Variants in ROBO2 observed in about 807,000 individuals in gnomAD.
ROBO2 encodes the protein roundabout guidance receptor 2.
In ROBO2, 53 loss-of-function variants were observed where a neutral mutation model predicts 160.8. The ratio of observed to expected loss-of-function variants is 0.33; its 90% CI spans 0.26 to 0.41. The LOEUF (loss-of-function observed/expected upper bound fraction) is 0.41. Among genes scored for constraint, ROBO2 ranks in the 10% least tolerant of loss-of-function variants. The probability of loss-of-function intolerance (pLI) is 1.00; values close to 1 mark genes in which losing one functional copy is unlikely to be tolerated. For synonymous variants in ROBO2, 664 were observed against 611.7 expected, an observed-to-expected ratio of 1.09 and a Z score of -1.26; for missense variants, 1,577 against 1,722.4, an observed-to-expected ratio of 0.92 and a Z score of 1.49.
intron 2 of ROBO2, among the ~76,000 whole-genome samples, chr3:77,411,829 T>G (rs62249795): frequency 0.077 from 11,692 of 152,224 alleles, 532 homozygotes; most frequent in African/African-American, 0.099. Context: ...GCATTTTTCT[T>G]TAACCACTTT....
intron 2 of ROBO2, among the ~76,000 whole-genome samples, chr3:76,696,121 C>A (rs943513194): frequency 1.3e-5 from 2 of 152,038 alleles, no homozygotes; most frequent in African/African-American, 4.8e-5. Context: ...CAATTCCTGC[C>A]GCACAACTCA....
chr3:77,256,979 T>C (rs886688766), intron 2 of ROBO2, among the ~76,000 whole-genome samples: 2 of 152,186 alleles, frequency 1.3e-5, no homozygotes, highest in Non-Finnish European at 2.9e-5. Context: ...GGTGGACACC[T>C]GGCAGTACAC....
intron 2 of ROBO2, among the ~76,000 whole-genome samples, chr3:77,438,020 T>C (rs780284084): frequency 1.3e-5 from 2 of 151,980 alleles, no homozygotes; most frequent in African/African-American, 2.4e-5. Context: ...TAATACCATA[T>C]ACATGATTAA....
chr3:76,831,699 A>C (rs2109325620), intron 2 of ROBO2, among the ~76,000 whole-genome samples: 1 of 152,304 alleles, frequency 6.6e-6, no homozygotes, highest in Non-Finnish European at 1.5e-5. Context: ...AAAATAGCAA[A>C]ACTAAGACAA....
At chr3:76,940,789 A>G (rs9880028) in intron 2 of ROBO2, among the ~76,000 whole-genome samples, 5,156 of 152,306 alleles carry the variant, frequency 0.034, 271 homozygotes, top group African/African-American at 0.12. Context: ...CCATTGTATC[A>G]CATAAGTATG....
At chr3:76,876,314 C>A (rs1029125780) in intron 2 of ROBO2, among the ~76,000 whole-genome samples, 3 of 152,110 alleles carry the variant, frequency 2.0e-5, no homozygotes, top group African/African-American at 7.2e-5. Context: ...GGTCAGTTAC[C>A]AAGTGAATCT....
chr3:77,258,824 G>A (rs556707205), intron 2 of ROBO2, among the ~76,000 whole-genome samples: 1 of 152,258 alleles, frequency 6.6e-6, no homozygotes, highest in East Asian at 1.9e-4. Flanking sequence ...ATTTATCTAT[G>A]TACAAGAAGG....
intron 23 of ROBO2, chr3:77,633,498 G>T (rs2095209884): frequency 6.6e-6 from 1 of 152,016 alleles, no homozygotes; most frequent in Admixed American, 6.6e-5. Context: ...TCTAATATAT[G>T]AATTAAACTG....
intron 2 of ROBO2, among the ~76,000 whole-genome samples, chr3:77,261,362 C>T (rs1372424): frequency 6.6e-6 from 1 of 151,956 alleles, no homozygotes; most frequent in Non-Finnish European, 1.5e-5. Context: ...TCCAAAGACA[C>T]TTTAAATAAG....
At chr3:75,913,090 T>C (rs1333771425) in intron 1 of ROBO2, among the ~76,000 whole-genome samples, 1 of 152,172 alleles carries the variant, frequency 6.6e-6, no homozygotes, top group Non-Finnish European at 1.5e-5. Flanking sequence ...GGAGAATCCA[T>C]TCTCTTGCCT....
chr3:75,951,827 T>C (rs1374072991), intron 2 of ROBO2, among the ~76,000 whole-genome samples: 1 of 152,042 alleles, frequency 6.6e-6, no homozygotes, highest in African/African-American at 2.4e-5. Context: ...AAATCTTTTT[T>C]TGAACAAATT....
intron 2 of ROBO2, among the ~76,000 whole-genome samples, chr3:76,826,865 G>C: frequency 6.6e-6 from 1 of 152,162 alleles, no homozygotes; most frequent in East Asian, 1.9e-4. Context: ...TAAGAGCAAA[G>C]TAGAGAAACA....
At chr3:77,395,895 T>C (rs2075233649) in intron 2 of ROBO2, among the ~76,000 whole-genome samples, 1 of 152,086 alleles carries the variant, frequency 6.6e-6, no homozygotes, top group Admixed American at 6.6e-5. Flanking sequence ...AGTCCTTTTG[T>C]TTTGTTAGAG....
intron 2 of ROBO2, among the ~76,000 whole-genome samples, chr3:76,999,645 C>T (rs151223085): frequency 6.6e-6 from 1 of 152,192 alleles, no homozygotes; most frequent in East Asian, 1.9e-4. Context: ...ACAGAAAAGA[C>T]CCACAATTTA....
At chr3:76,640,110 G>A (rs1334959981) in intron 2 of ROBO2, among the ~76,000 whole-genome samples, 1 of 152,194 alleles carries the variant, frequency 6.6e-6, no homozygotes, top group Non-Finnish European at 1.5e-5. Flanking sequence ...TACGATGAGA[G>A]CCATATTCTT....
At chr3:75,916,698 C>CA (rs552615323) in intron 1 of ROBO2, among the ~76,000 whole-genome samples, 62 of 149,856 alleles carry the variant, frequency 4.1e-4, no homozygotes, top group African/African-American at 1.3e-3. Context: ...TAATTTATGG[C>CA]AAAAAAAAGT....
chr3:77,267,590 G>C (rs2059212288), intron 2 of ROBO2, among the ~76,000 whole-genome samples: 2 of 152,132 alleles, frequency 1.3e-5, no homozygotes, highest in Non-Finnish European at 2.9e-5. Flanking sequence ...GGAAAAGATG[G>C]GTTGGCGTAT....
chr3:77,405,042 C>T (rs1188320633), intron 2 of ROBO2, among the ~76,000 whole-genome samples: 2 of 152,134 alleles, frequency 1.3e-5, no homozygotes, highest in African/African-American at 4.8e-5. Context: ...CCTACCTATC[C>T]CACGAGACTA....
At chr3:76,016,322 T>C (rs1254331524) in intron 2 of ROBO2, among the ~76,000 whole-genome samples, 1 of 151,942 alleles carries the variant, frequency 6.6e-6, no homozygotes. Flanking sequence ...ATATCGAAGC[T>C]CAATTAAACT....
Sources: allele counts gnomAD v4.1 joint callset (sites outside exome capture counted in the v4.1 genomes callset), GRCh38; gene constraint gnomAD v4.1.1; transcripts MANE v1.5; gene names NCBI Gene and HGNC (gene_info 2026-07-23, HGNC 2026-07-21).